MIB1: variants seen among roughly 807,000 people sequenced by gnomAD.
MIB1 encodes the protein MIB E3 ubiquitin protein ligase 1.
Under a neutral mutation model 124.5 loss-of-function variants are expected in MIB1, and 278 were observed. That is an observed-to-expected ratio of 2.23 (90% CI 2.02 to 2.47). The LOEUF (loss-of-function observed/expected upper bound fraction) is 2.47. MIB1 is among the 30% of genes most tolerant of loss of function. MIB1 has a pLI of 0.00. For synonymous variants in MIB1, 446 were observed against 429.4 expected (o/e 1.04, Z -0.48); for missense variants, 957 against 1,254.4 (o/e 0.76, Z 3.58).
At chr18:21,734,858 C>T (rs2040789145) in intron 1 of MIB1, among the ~76,000 whole-genome samples, 1 of 152,164 alleles carries the variant, frequency 6.6e-6, no homozygotes, top group African/African-American at 2.4e-5. Flanking sequence ...ATGTCTTATC[C>T]TTCTTAGTGC....
At chr18:21,739,374 A>G (rs1381444724), upstream of MIB1, among the ~76,000 whole-genome samples, 19 of 152,178 alleles carry the variant, frequency 1.2e-4, no homozygotes, top group Non-Finnish European at 2.1e-4. Context: ...AGGAGCTGTT[A>G]CTGTACTTCC....
At chr18:21,786,971 C>T (rs934206249) in intron 6 of MIB1, among the ~76,000 whole-genome samples, 2 of 150,796 alleles carry the variant, frequency 1.3e-5, no homozygotes, top group Non-Finnish European at 2.9e-5. Context: ...CATTGGCTTC[C>T]TGTTTATTTT....
chr18:21,756,473 AT>A (rs544223883), intron 1 of MIB1, among the ~76,000 whole-genome samples: 3 of 150,760 alleles, frequency 2.0e-5, no homozygotes, highest in African/African-American at 2.4e-5. Flanking sequence ...TCTTTTTTTT[AT>A]TTTTTTTTGA....
intron 19 of MIB1, among the ~76,000 whole-genome samples, chr18:21,857,586 T>C (rs1023279284): frequency 2.6e-5 from 4 of 152,384 alleles, no homozygotes; most frequent in African/African-American, 9.6e-5. Flanking sequence ...TTACAATTTA[T>C]TTTTCAGTTT....
chr18:21,859,118 G>GT (rs1465501648), intron 20 of MIB1, among the ~76,000 whole-genome samples: 1 of 152,208 alleles, frequency 6.6e-6, no homozygotes, highest in African/African-American at 2.4e-5. Context: ...GGTATTAAAA[G>GT]TTGAAGGTAG....
In MIB1 at chr18:21,815,657, A is replaced by C; in HGVS notation, c.1521A>C (p.Gly507=). ...GDRAVHHAAF[G]DEGAVIEVLH... Reference sequence around the variant, plus strand: ...GAGCAGTTCACCATGCAGCTTTTGGAGATGAAGGCGCTGTTATAGAAGTAC... The same window carrying C: ...GAGCAGTTCACCATGCAGCTTTTGGCGATGAAGGCGCTGTTATAGAAGTAC... Residue 507 remains glycine (G), a synonymous_variant, in exon 11 of 21, where the codon GGA becomes GGC. Coordinates refer to ENST00000261537, the MANE Select transcript of MIB1 (RefSeq NM_020774.4). 1 of 1,614,142 alleles carries C rather than the reference A, an allele frequency of 6.2e-7. No individual in the cohort carries two copies. Among genetic ancestry groups the C allele is most frequent in the Non-Finnish European group, 8.5e-7 (1 of 1,180,012 alleles).
intron 1 of MIB1, among the ~76,000 whole-genome samples, chr18:21,719,539 T>C (rs1042434596): frequency 1.1e-4 from 17 of 151,876 alleles, no homozygotes; most frequent in African/African-American, 3.9e-4. Flanking sequence ...CTCTGCCCCC[T>C]GGGTTCAAGT....
intron 19 of MIB1, among the ~76,000 whole-genome samples, chr18:21,858,154 A>G (rs906245225): frequency 6.6e-6 from 1 of 152,150 alleles, no homozygotes; most frequent in Non-Finnish European, 1.5e-5. Context: ...TAAAATAATT[A>G]TTGCTGCCAA....
At chr18:21,720,049 A>G (rs529582856) in intron 1 of MIB1, among the ~76,000 whole-genome samples, 1 of 152,306 alleles carries the variant, frequency 6.6e-6, no homozygotes, top group African/African-American at 2.4e-5. Context: ...ATAGTATGGA[A>G]CCTGTTCATT....
intron 12 of MIB1, among the ~76,000 whole-genome samples, chr18:21,825,076 C>G (rs1294759554): frequency 3.3e-5 from 5 of 151,954 alleles, no homozygotes; most frequent in Admixed American, 3.3e-4. Flanking sequence ...TTAGCATTTT[C>G]TTTCTTTTTT....
In MIB1 at chr18:21,864,472, T is replaced by C. The variant is rs936927001; in HGVS notation, c.2881-54T>C. 19 of 1,389,520 alleles carry C rather than the reference T, an allele frequency of 1.4e-5. No individual in the cohort carries two copies. In the African/African-American group the frequency reaches 2.4e-4, roughly 18 times the overall value. The allele number at this position is 1,389,520 out of a possible 1,614,324, so 86.1% of individuals were successfully genotyped here. ...AAAATTAATGATATATAACAGTCTGTCACTTTCCAAATATAAAGTGTCTAA... is the reference window on the plus strand; with the variant it reads ...AAAATTAATGATATATAACAGTCTGCCACTTTCCAAATATAAAGTGTCTAA... On this transcript the variant is annotated intron_variant, in intron 20 of 20. Coordinates refer to ENST00000261537, the MANE Select transcript of MIB1 (RefSeq NM_020774.4).
intron 20 of MIB1, among the ~76,000 whole-genome samples, chr18:21,860,096 G>T (rs371960902): frequency 1.5e-4 from 8 of 53,316 alleles, no homozygotes; most frequent in South Asian, 8.3e-4. Flanking sequence ...TGTTCTTTAT[G>T]TCTTTTTTTT....
At position 21,725,093 on chromosome 18, in the gene MIB1, T is replaced by C. The variant is rs1398154040; in HGVS notation, n.167+19970T>C. On this transcript the variant is annotated intron_variant and non_coding_transcript_variant, in intron 1 of 20. Coordinates refer to the MIB1 transcript ENST00000578646. ...CTGGGTGACAGAGCGAGACTCTGTCTCAAAAAAAAAAAAAAAAAAAAAAGA... is the reference window on the plus strand; with the variant it reads ...CTGGGTGACAGAGCGAGACTCTGTCCCAAAAAAAAAAAAAAAAAAAAAAGA... Among the ~76,000 whole-genome samples the C allele has an allele frequency of 1.0e-4, 9 of 87,888 alleles. No homozygotes were observed. The East Asian group carries it at 2.0e-3, about 20-fold the overall frequency. 57.7% of individuals were successfully genotyped at this position (87,888 alleles called of 152,430 possible).
intron 12 of MIB1, chr18:21,827,737 T>C (rs1375318416): frequency 1.3e-5 from 2 of 152,082 alleles, no homozygotes; most frequent in Admixed American, 6.6e-5. Flanking sequence ...GTAACACATA[T>C]GATGCCATGT....
intron 18 of MIB1, among the ~76,000 whole-genome samples, chr18:21,853,512 T>C (rs979768690): frequency 3.3e-5 from 5 of 151,370 alleles, no homozygotes; most frequent in Non-Finnish European, 5.9e-5. Context: ...TTTTGAAAAA[T>C]AAATGTTGAA....
chr18:21,738,955 G>A (rs1008453094), upstream of MIB1, among the ~76,000 whole-genome samples: 5 of 148,036 alleles, frequency 3.4e-5, no homozygotes, highest in East Asian at 6.0e-4. Flanking sequence ...ACTGAAGGAG[G>A]TAGAGACACG....
chr18:21,777,438 A>G (rs1344816430), intron 4 of MIB1, among the ~76,000 whole-genome samples: 1 of 152,216 alleles, frequency 6.6e-6, no homozygotes, highest in East Asian at 1.9e-4. Flanking sequence ...TGCTGTGCAC[A>G]TTTCCAATAA....
intron 1 of MIB1, among the ~76,000 whole-genome samples, chr18:21,745,797 C>G (rs1051637855): frequency 6.6e-5 from 10 of 152,068 alleles, no homozygotes; most frequent in Admixed American, 5.2e-4. Flanking sequence ...ACCTCCGTCC[C>G]CCAGGTTCAA....
chr18:21,785,058 G>A (rs1425674253), intron 6 of MIB1, among the ~76,000 whole-genome samples: 5 of 152,286 alleles, frequency 3.3e-5, no homozygotes, highest in Middle Eastern at 3.4e-3. Context: ...CGAAAAATGC[G>A]TAGAAGAAAT....
Sources: allele counts gnomAD v4.1 joint callset (sites outside exome capture counted in the v4.1 genomes callset), GRCh38; gene constraint gnomAD v4.1.1; transcripts MANE v1.5; gene names NCBI Gene and HGNC (gene_info 2026-07-23, HGNC 2026-07-21).